RBFOX1: variants seen among roughly 807,000 people sequenced by gnomAD.
RBFOX1 encodes the protein RNA binding fox-1 homolog 1.
RBFOX1 carries 8 observed loss-of-function variants against 57.7 expected under a neutral mutation model. That is an observed-to-expected ratio of 0.14 (90% CI 0.08 to 0.25). The LOEUF is 0.25. Ranked by LOEUF, RBFOX1 falls within the 10% of genes least tolerant of loss-of-function variation. The pLI is 1.00. For synonymous variants in RBFOX1, 326 were observed against 222.4 expected, an observed-to-expected ratio of 1.47 and a Z score of -4.15; for missense variants, 611 against 548.5, an observed-to-expected ratio of 1.11 and a Z score of -1.14.
intron 2 of RBFOX1, among the ~76,000 whole-genome samples, chr16:6,360,543 G>C (rs892597783): frequency 6.6e-6 from 1 of 152,104 alleles, no homozygotes; most frequent in African/African-American, 2.4e-5. Context: ...CTACTCCTCT[G>C]TTTTATAGAA....
chr16:5,377,485 G>T (rs1194319447), intron 1 of RBFOX1, among the ~76,000 whole-genome samples: 1 of 150,684 alleles, frequency 6.6e-6, no homozygotes, highest in Non-Finnish European at 1.5e-5. Flanking sequence ...TGGTGAGGAG[G>T]AGGAGTAAGT....
rs1363420012 is a variant in RBFOX1, at chr16:7,418,651, G to C, written c.28-99496G>C. On this transcript the variant is annotated intron_variant, in intron 4 of 15. Transcript: ENST00000550418. ...TATTATTAGATTAGATTGGATCTTAGATATTGAAGAATTTTTACTCCCTTA... is the reference window on the plus strand; with the variant it reads ...TATTATTAGATTAGATTGGATCTTACATATTGAAGAATTTTTACTCCCTTA... 2.6e-5 allele frequency among the ~76,000 whole-genome samples: 4 copies of C among 152,154 alleles called. No individual in the cohort carries two copies. In the East Asian group the frequency reaches 7.7e-4, roughly 29 times the overall value.
chr16:7,502,878 C>G (rs1036812209), intron 4 of RBFOX1, among the ~76,000 whole-genome samples: 1 of 151,948 alleles, frequency 6.6e-6, no homozygotes, highest in Non-Finnish European at 1.5e-5. Flanking sequence ...CAAAAATTAG[C>G]CAAGTGTGGT....
intron 4 of RBFOX1, among the ~76,000 whole-genome samples, chr16:7,155,475 A>G (rs2076893716): frequency 6.6e-6 from 1 of 151,676 alleles, no homozygotes; most frequent in Admixed American, 6.6e-5. Context: ...ATGCACTTGT[A>G]GTCTCAGCTC....
chr16:6,850,712 G>C (rs185284284), intron 3 of RBFOX1, among the ~76,000 whole-genome samples: 1 of 152,036 alleles, frequency 6.6e-6, no homozygotes, highest in African/African-American at 2.4e-5. Flanking sequence ...TCAATTTGTT[G>C]GCTAAAATAA....
intron 2 of RBFOX1, among the ~76,000 whole-genome samples, chr16:6,494,044 C>T (rs1350192633): frequency 6.6e-6 from 1 of 151,936 alleles, no homozygotes; most frequent in Non-Finnish European, 1.5e-5. Context: ...TGCATTTAGG[C>T]TTTGGCAATG....
At chr16:7,402,870 C>G (rs368622120) in intron 4 of RBFOX1, among the ~76,000 whole-genome samples, 1 of 152,186 alleles carries the variant, frequency 6.6e-6, no homozygotes, top group Non-Finnish European at 1.5e-5. Context: ...CTAACTCATT[C>G]AGTCCTAGAC....
chr16:6,811,230 G>C (rs113910386), intron 3 of RBFOX1, among the ~76,000 whole-genome samples: 52 of 152,016 alleles, frequency 3.4e-4, no homozygotes, highest in African/African-American at 1.2e-3. Context: ...ATATAGGCAG[G>C]AAAAATCAAG....
At chr16:6,904,027 C>T (rs548976350) in intron 3 of RBFOX1, among the ~76,000 whole-genome samples, 2 of 152,242 alleles carry the variant, frequency 1.3e-5, no homozygotes, top group East Asian at 1.9e-4. Context: ...ACAAATGCCC[C>T]CACCTGAGGT....
intron 3 of RBFOX1, among the ~76,000 whole-genome samples, chr16:7,041,812 AAT>A (rs1317958370): frequency 6.6e-6 from 1 of 152,132 alleles, no homozygotes; most frequent in Non-Finnish European, 1.5e-5. Flanking sequence ...TTTGAATACC[AAT>A]TGCTGGTATT....
At chr16:6,247,298 C>T (rs1372187089) in intron 1 of RBFOX1, among the ~76,000 whole-genome samples, 3 of 152,184 alleles carry the variant, frequency 2.0e-5, no homozygotes, top group Non-Finnish European at 4.4e-5. Flanking sequence ...CAACCCAGGA[C>T]AGTGGACAAA....
At chr16:6,965,356 TG>T (rs2083903285) in intron 3 of RBFOX1, among the ~76,000 whole-genome samples, 1 of 141,492 alleles carries the variant, frequency 7.1e-6, no homozygotes, top group East Asian at 2.0e-4. Context: ...TGTGTGTGTG[TG>T]TGTATGATGG....
chr16:5,519,232 G>A (rs536117322), intron 2 of RBFOX1, among the ~76,000 whole-genome samples: 1 of 152,310 alleles, frequency 6.6e-6, no homozygotes, highest in African/African-American at 2.4e-5. Flanking sequence ...TGGTGAAATT[G>A]GCAAGTTTTG....
chr16:6,913,044 G>T (rs1049664542), intron 3 of RBFOX1, among the ~76,000 whole-genome samples: 9 of 152,156 alleles, frequency 5.9e-5, no homozygotes, highest in African/African-American at 9.6e-5. Context: ...GCTTCTGATG[G>T]GTGGAAAAGA....
intron 1 of RBFOX1, among the ~76,000 whole-genome samples, chr16:5,247,868 A>G (rs769452118): frequency 3.3e-5 from 5 of 152,198 alleles, no homozygotes; most frequent in Admixed American, 2.0e-4. Context: ...GGTCTGGGCT[A>G]GGGTTGGAGC....
chr16:7,577,035 C>T (rs1040144135), intron 5 of RBFOX1, among the ~76,000 whole-genome samples: 1 of 152,214 alleles, frequency 6.6e-6, no homozygotes, highest in Non-Finnish European at 1.5e-5. Context: ...GGAGAAAACG[C>T]AAATTCTGCT....
At chr16:7,073,425 G>A (rs1162420841) in intron 4 of RBFOX1, among the ~76,000 whole-genome samples, 6 of 152,122 alleles carry the variant, frequency 3.9e-5, no homozygotes, top group South Asian at 2.1e-4. Context: ...TGAGTTAGCC[G>A]AGCGCTGCCA....
At chr16:6,179,310 T>A (rs2097042768) in intron 1 of RBFOX1, among the ~76,000 whole-genome samples, 1 of 152,180 alleles carries the variant, frequency 6.6e-6, no homozygotes, top group Non-Finnish European at 1.5e-5. Context: ...AGCTTTACTT[T>A]CTAGAAGGCT....
In RBFOX1 at chr16:7,119,224, C is replaced by A. The variant is rs149278446; in HGVS notation, c.27+67126C>A. 1.4e-4 allele frequency among the ~76,000 whole-genome samples: 22 copies of A among 152,194 alleles called. No homozygotes were observed. In the East Asian group the frequency reaches 3.9e-3, roughly 27 times the overall value. ...AAGCAATGCTCTATTACTGTAGGTA[C>A]AAGGCAGTAATTTTTTTGTGTCCAT... On this transcript the variant is annotated intron_variant, in intron 4 of 15. Coordinates refer to ENST00000550418, the MANE Select transcript of RBFOX1 (RefSeq NM_018723.4).
Sources: allele counts gnomAD v4.1 joint callset (sites outside exome capture counted in the v4.1 genomes callset), GRCh38; gene constraint gnomAD v4.1.1; transcripts MANE v1.5; gene names NCBI Gene and HGNC (gene_info 2026-07-23, HGNC 2026-07-21).